The following PTPRN2 variants were observed in gnomAD, a reference collection of about 807,000 sequenced individuals.
The protein encoded by PTPRN2 is receptor-type tyrosine-protein phosphatase N2.
Under a neutral mutation model 118.8 loss-of-function variants are expected in PTPRN2, and 74 were observed. The ratio of observed to expected loss-of-function variants is 0.62; its 90% CI spans 0.52 to 0.76. PTPRN2 has a LOEUF of 0.76. PTPRN2 is among the 30% of genes least tolerant of loss of function. PTPRN2 has a pLI of 0.00. For synonymous variants in PTPRN2, 641 were observed against 608.0 expected, an observed-to-expected ratio of 1.05 and a Z score of -0.80; for missense variants, 1,481 against 1,394.4, an observed-to-expected ratio of 1.06 and a Z score of -0.99.
intron 22 of PTPRN2, among the ~76,000 whole-genome samples, chr7:157,544,297 A>G (rs1351713167): frequency 6.6e-6 from 1 of 152,212 alleles, no homozygotes; most frequent in Admixed American, 6.5e-5. Context: ...CGCGTGACAG[A>G]ATCCGTGTCT....
intron 5 of PTPRN2, among the ~76,000 whole-genome samples, chr7:158,169,423 T>A (rs1310592320): frequency 7.0e-6 from 1 of 142,212 alleles, no homozygotes; most frequent in African/African-American, 2.8e-5. Context: ...TGTGAGTGTG[T>A]GTGTGTGTGT....
At chr7:158,482,347 A>G (rs1193161108) in intron 2 of PTPRN2, among the ~76,000 whole-genome samples, 1 of 152,232 alleles carries the variant, frequency 6.6e-6, no homozygotes, top group Non-Finnish European at 1.5e-5. Context: ...TCATGAAGGA[A>G]GAGTCAACTG....
At position 157,990,126 on chromosome 7, in the gene PTPRN2, G is replaced by A. The variant is rs997157888; in HGVS notation, c.1723+91172C>T. On this transcript the variant is annotated intron_variant, in intron 11 of 22. Transcript: ENST00000389418. This position sits in a 1 kb window ranked among gnomAD's most constrained non-coding sequence, Gnocchi z 4.3. Reference sequence around the variant, plus strand: ...TTCTGCGCTCCAAATACACCGAGACGAAAACAAGCCCAGGTGAAGCTGCAG... The same window carrying A: ...TTCTGCGCTCCAAATACACCGAGACAAAAACAAGCCCAGGTGAAGCTGCAG... 3.9e-5 allele frequency among the ~76,000 whole-genome samples: 6 copies of A among 151,972 alleles called. No individual in the cohort carries two copies. The highest frequency in any genetic ancestry group is 8.8e-5 in the Non-Finnish European group (6 of 67,998).
In PTPRN2 at chr7:158,529,753, G is replaced by C. The variant is rs73729681; in HGVS notation, c.113-39968C>G. Reference sequence around the variant, plus strand: ...GGGCGGTCACCAGAAGGGGCCAGGCGGGAGCAGGACCAGCTCACAGTCTCC... The same window carrying C: ...GGGCGGTCACCAGAAGGGGCCAGGCCGGAGCAGGACCAGCTCACAGTCTCC... On this transcript the variant is annotated intron_variant, in intron 1 of 22. Transcript: ENST00000389418. The surrounding 1 kb of genome is among the most constrained non-coding windows in gnomAD (Gnocchi z 4.7). Among the ~76,000 whole-genome samples the C allele has an allele frequency of 7.2e-5, 11 of 152,100 alleles. No homozygotes were observed. Among genetic ancestry groups the C allele is most frequent in the Non-Finnish European group, 1.6e-4 (11 of 68,022 alleles).
chr7:158,045,294 A>G (rs1808759590), intron 11 of PTPRN2, among the ~76,000 whole-genome samples: 1 of 152,216 alleles, frequency 6.6e-6, no homozygotes, highest in Non-Finnish European at 1.5e-5. Context: ...GGAAGCTCCA[A>G]ATGGCTGGAG....
At chr7:158,222,058 T>TA (rs1362118272) in intron 3 of PTPRN2, among the ~76,000 whole-genome samples, 1 of 152,132 alleles carries the variant, frequency 6.6e-6, no homozygotes, top group Non-Finnish European at 1.5e-5. Context: ...TGAATATTTT[T>TA]AAAAAGTCAA....
intron 3 of PTPRN2, among the ~76,000 whole-genome samples, chr7:158,259,647 T>C (rs1797257875): frequency 6.6e-6 from 1 of 152,234 alleles, no homozygotes; most frequent in African/African-American, 2.4e-5. Flanking sequence ...AGCATGGCTG[T>C]GTCCATGTGT....
At position 158,546,828 on chromosome 7, in the gene PTPRN2, A is replaced by G. The variant is rs1826318106; in HGVS notation, c.112+40730T>C. On this transcript the variant is annotated intron_variant, in intron 1 of 22. Transcript: ENST00000389418. The surrounding 1 kb of genome is among the most constrained non-coding windows in gnomAD (Gnocchi z 5.0). ...CAACATGCAGATGCACACACAGGGC[A>G]TGGGCACTCCAGAGGGGCTCAGCTT... 6.6e-6 allele frequency among the ~76,000 whole-genome samples: 1 copy of G among 152,234 alleles called. No homozygotes were observed. The highest frequency in any genetic ancestry group is 2.4e-5 in the African/African-American group (1 of 41,460).
chr7:157,988,253 G>A (rs1803961859), intron 11 of PTPRN2, among the ~76,000 whole-genome samples: 1 of 152,140 alleles, frequency 6.6e-6, no homozygotes. Flanking sequence ...CCCAAAGACA[G>A]GCTTCTTTGT....
chr7:157,968,666 C>T (rs1275090918), intron 11 of PTPRN2, among the ~76,000 whole-genome samples: 1 of 152,192 alleles, frequency 6.6e-6, no homozygotes, highest in African/African-American at 2.4e-5. Flanking sequence ...GTCATCCTTG[C>T]AGATGAAGAA....
At chr7:157,758,283 G>A (rs1801923933) in intron 12 of PTPRN2, among the ~76,000 whole-genome samples, 2 of 152,352 alleles carry the variant, frequency 1.3e-5, no homozygotes, top group South Asian at 4.1e-4. Context: ...GGCCTGTCCA[G>A]GCGCCATTCC....
chr7:157,669,772 A>G (rs1079359), intron 13 of PTPRN2, among the ~76,000 whole-genome samples: 74,620 of 152,078 alleles, frequency 0.49, 19,638 homozygotes, highest in Non-Finnish European at 0.6. Context: ...GTAGGAAAAA[A>G]GCGGCCTCTC....
chr7:158,198,218 G>T (rs907734998), intron 4 of PTPRN2, among the ~76,000 whole-genome samples: 6 of 152,132 alleles, frequency 3.9e-5, no homozygotes, highest in Non-Finnish European at 7.3e-5. Context: ...CATGCCTGGG[G>T]ACTTGTTTGT....
intron 12 of PTPRN2, among the ~76,000 whole-genome samples, chr7:157,848,692 T>C (rs1809057252): frequency 6.6e-6 from 1 of 152,148 alleles, no homozygotes; most frequent in Non-Finnish European, 1.5e-5. Context: ...CGGGATCCCA[T>C]GAAGGTTCTG....
At chr7:157,782,449 CG>C (rs1042416865) in intron 12 of PTPRN2, among the ~76,000 whole-genome samples, 2 of 152,104 alleles carry the variant, frequency 1.3e-5, no homozygotes, top group Admixed American at 6.6e-5. Context: ...AGCTGCAGCC[CG>C]CCCTCCACAG....
chr7:157,724,346 T>G (rs772356967), intron 12 of PTPRN2, among the ~76,000 whole-genome samples: 2 of 152,248 alleles, frequency 1.3e-5, no homozygotes, highest in Non-Finnish European at 2.9e-5. Context: ...ACATAAAACT[T>G]CTATAATCAA....
rs541413866 is a variant in PTPRN2, at chr7:158,158,494, C to T, written c.910+8437G>A. On this transcript the variant is annotated intron_variant, in intron 6 of 22. Transcript: ENST00000389418. ...GAGGGGAGAGAACTGGGAGCGGAGC[C>T]CATGTGATTGGCCAGGACTTCGCAA... Among the ~76,000 whole-genome samples, 2 of 149,222 alleles carry T rather than the reference C, an allele frequency of 1.3e-5. 1 individual carries two copies.
chr7:157,840,543 T>C (rs547145330), intron 12 of PTPRN2, among the ~76,000 whole-genome samples: 2 of 152,102 alleles, frequency 1.3e-5, no homozygotes, highest in South Asian at 4.2e-4. Context: ...AGGCAGGGTG[T>C]GGGAGTGGAG....
At chr7:158,058,809 C>G (rs529505071) in intron 11 of PTPRN2, among the ~76,000 whole-genome samples, 6 of 90,144 alleles carry the variant, frequency 6.7e-5, no homozygotes, top group Admixed American at 1.1e-4. Flanking sequence ...CACACAGTGA[C>G]GCATCACTGC....
Sources: gnomAD v4.1 joint callset for allele counts (sites outside exome capture counted in the v4.1 genomes callset) on GRCh38, gnomAD v4.1.1 for gene constraint, Gnocchi (gnomAD v3.1) non-coding constraint, MANE v1.5 for transcripts, NCBI Gene and HGNC (gene_info 2026-07-23, HGNC 2026-07-21) for gene names.